SLC66A2: variants seen among roughly 807,000 people sequenced by gnomAD.
The protein encoded by SLC66A2 is solute carrier family 66 member 2, also known as PQ loop repeat containing 1.
Under a neutral mutation model 25.5 loss-of-function variants are expected in SLC66A2, and 23 were observed. The observed-to-expected ratio is 0.90, with a 90% confidence interval of 0.65 to 1.28. The LOEUF is 1.28. Among genes scored for constraint, SLC66A2 ranks in the 50% most tolerant of loss-of-function variants. The pLI is 0.00. For missense variants in SLC66A2, 396 were observed against 373.1 expected (o/e 1.06, Z -0.51); for synonymous variants, 193 against 166.5 (o/e 1.16, Z -1.23).
At position 79,927,772 on chromosome 18, in the gene SLC66A2, C is replaced by A. The variant is rs1986142423; in HGVS notation, c.391+6197G>T. 6.6e-6 allele frequency among the ~76,000 whole-genome samples: 1 copy of A among 152,204 alleles called. No individual in the cohort carries two copies. Among genetic ancestry groups the A allele is most frequent in the African/African-American group, 2.4e-5 (1 of 41,456 alleles). The stretch of plus-strand genomic sequence containing the variant: ...CAAAGAGGACCCCGGGAAACAAACA[C>A]CCTCCCACTCGGCAAGGACAAATCA... On this transcript the variant is annotated intron_variant, in intron 4 of 5. Coordinates refer to ENST00000397778, the MANE Select transcript of SLC66A2 (RefSeq NM_025078.5). The surrounding 1 kb of genome is among the most constrained non-coding windows in gnomAD (Gnocchi z 6.2).
rs1169758506 is a variant in SLC66A2, at chr18:79,939,698, C to T, written c.337+3631G>A. 2.6e-5 allele frequency among the ~76,000 whole-genome samples: 4 copies of T among 151,954 alleles called. No homozygotes were observed. The East Asian group carries it at 7.7e-4, about 29-fold the overall frequency. ...CAATGAGATGCCGTCTCATACCAGT[C>T]GGAATGGCTATTAATAAAAAAAAAT... On this transcript the variant is annotated intron_variant, in intron 3 of 5. Transcript: ENST00000397778.
Position 79,919,167 on chromosome 18 carries a change from C to T in SLC66A2, c.608+17G>A, listed in dbSNP as rs376461831. The T allele has an allele frequency of 5.8e-5, 93 of 1,608,278 alleles. No homozygotes were observed. Among genetic ancestry groups the T allele is most frequent in the African/African-American group, 1.7e-4 (13 of 74,836 alleles). ...CTCTGGAGCAGTGGTGCTTCCGTGG[C>T]GGCATCCCCGGCCTACCTCATGCCC... On this transcript the variant is annotated intron_variant, in intron 5 of 5. Coordinates refer to ENST00000397778, the MANE Select transcript of SLC66A2 (RefSeq NM_025078.5).
chr18:79,933,736 C>T (rs1174897737), intron 4 of SLC66A2, among the ~76,000 whole-genome samples: 2 of 152,176 alleles, frequency 1.3e-5, no homozygotes, highest in African/African-American at 4.8e-5. Flanking sequence ...CTCCTGCTTC[C>T]CCTTCCCGCC....
Position 79,950,797 on chromosome 18 carries a change from G to T in SLC66A2, c.130C>A (p.Gln44Lys). ...VPQYRDIRRT[Q>K]NADGFSTYVC... ...TAGGTGGAGAAGCCGTCGGCGTTCT[G>T]CGTCCTGCGAATGTCCCGATACTGC... is the stretch of plus-strand genomic sequence containing the variant. Residue 44 changes from glutamine (Q) to lysine (K), a missense_variant, in exon 2 of 6, where the codon CAG becomes AAG. By Grantham distance (53) the Gln-to-Lys change is moderately conservative. Transcript: ENST00000397778. 1 of 1,613,168 alleles carries T rather than the reference G, an allele frequency of 6.2e-7. No homozygotes were observed.
In SLC66A2 at chr18:79,943,362, T is replaced by G. The variant is rs368520063; in HGVS notation, c.304A>C (p.Asn102His). 3.8e-5 allele frequency: 61 copies of G among 1,614,062 alleles called. No individual in the cohort carries two copies. Among genetic ancestry groups the G allele is most frequent in the Non-Finnish European group, 5.0e-5 (59 of 1,180,050 alleles). Residue 102 changes from asparagine to histidine, a missense_variant, in exon 3 of 6, where the codon AAC (asparagine) becomes CAC (histidine). Physicochemically the swap from Asn to His is moderately conservative, Grantham distance 68. Coordinates refer to ENST00000397778, the MANE Select transcript of SLC66A2 (RefSeq NM_025078.5). ...LKLCTEVRVANELNARRRSFT... is the reference protein window; with the variant it reads ...LKLCTEVRVAHELNARRRSFT... ...GAGCGGCGCCTGGCGTTGAGCTCGT[T>G]GGCCACACGGACCTCGGTGCACAGC...
chr18:79,922,395 C>G (rs1363498046), intron 4 of SLC66A2, among the ~76,000 whole-genome samples: 1 of 152,092 alleles, frequency 6.6e-6, no homozygotes, highest in Non-Finnish European at 1.5e-5. Context: ...GGGGCGCAGC[C>G]CCCCTCGGGT....
At chr18:79,905,085 G>A (rs538404078) in intron 5 of SLC66A2, among the ~76,000 whole-genome samples, 7 of 152,300 alleles carry the variant, frequency 4.6e-5, no homozygotes, top group Non-Finnish European at 8.8e-5. Context: ...CTAGGAACCC[G>A]CAGGAGACAG....
chr18:79,943,712 T>C, intron 2 of SLC66A2: 1 of 370,464 alleles, frequency 2.7e-6, no homozygotes, highest in Admixed American at 4.6e-5. Context: ...GTCCCAAACC[T>C]GCAGCAGGAA....
At chr18:79,919,702 CA>C (rs766673755) in intron 4 of SLC66A2, among the ~76,000 whole-genome samples, 1 of 3,712 alleles carries the variant, frequency 2.7e-4, no homozygotes, top group African/African-American at 2.8e-4. Context: ...TGGGGAGAGA[CA>C]GGAACCGAGG....
chr18:79,933,871 C>A (rs964544484), intron 4 of SLC66A2, 98 bp downstream of exon 4: 1 of 1,038,618 alleles, frequency 9.6e-7, no homozygotes, highest in African/African-American at 1.6e-5. Flanking sequence ...AGATGACGCA[C>A]GCACATGCAC....
intron 4 of SLC66A2, among the ~76,000 whole-genome samples, chr18:79,928,429 G>A (rs1170561095): frequency 1.3e-5 from 2 of 152,180 alleles, no homozygotes; most frequent in Admixed American, 1.3e-4. Flanking sequence ...TTTCAGCCAG[G>A]TCAGAAACAA....
intron 5 of SLC66A2, among the ~76,000 whole-genome samples, chr18:79,910,515 A>T (rs1982952475): frequency 6.6e-6 from 1 of 152,244 alleles, no homozygotes; most frequent in South Asian, 2.1e-4. Flanking sequence ...CCATCTCACA[A>T]GACTTTTTCT....
At chr18:79,909,590 C>CAG (rs112899053) in intron 5 of SLC66A2, among the ~76,000 whole-genome samples, 594 of 60,328 alleles carry the variant, frequency 9.8e-3, no homozygotes, top group East Asian at 0.018. Context: ...ACCATCTCAC[C>CAG]AGTCTCCAAC....
chr18:79,922,959 C>T (rs1985443964), intron 4 of SLC66A2, among the ~76,000 whole-genome samples: 1 of 151,700 alleles, frequency 6.6e-6, no homozygotes, highest in African/African-American at 2.4e-5. Context: ...CCAGGCTGTG[C>T]ACCTTCTCCC....
intron 4 of SLC66A2, among the ~76,000 whole-genome samples, chr18:79,924,381 G>A (rs886995634): frequency 3.9e-5 from 6 of 152,174 alleles, no homozygotes; most frequent in African/African-American, 1.2e-4. Flanking sequence ...CAGCACAGGC[G>A]AGCGCACAGA....
chr18:79,931,265 C>G (rs1213756011), intron 4 of SLC66A2, among the ~76,000 whole-genome samples: 1 of 151,958 alleles, frequency 6.6e-6, no homozygotes, highest in African/African-American at 2.4e-5. Flanking sequence ...AATCAAAGGG[C>G]AGAATTGCCA....
At chr18:79,919,436 T>G in intron 4 of SLC66A2, 36 bp from the exon 5 acceptor site, 1 of 1,548,704 alleles carries the variant, frequency 6.5e-7, no homozygotes, top group Non-Finnish European at 8.9e-7. Flanking sequence ...CAGCACAGCT[T>G]AGGGTCCAGG....
rs190246907 is a variant in SLC66A2, at chr18:79,938,909, C to T, written c.337+4420G>A. Reference sequence around the variant, plus strand: ...GCCAGGATGGTCTCGAACTCCCGACCTCGTGATCCGCCCACCTCGGCCTCC... The same window carrying T: ...GCCAGGATGGTCTCGAACTCCCGACTTCGTGATCCGCCCACCTCGGCCTCC... On this transcript the variant is annotated intron_variant, in intron 3 of 5. Transcript: ENST00000397778. Among the ~76,000 whole-genome samples the T allele has an allele frequency of 4.3e-4, 65 of 152,338 alleles. 1 individual carries two copies. In the East Asian group the frequency reaches 8.3e-3, roughly 19 times the overall value.
At position 79,950,795 on chromosome 18, in the gene SLC66A2, C is replaced by A. The variant is rs1322204463; in HGVS notation, c.132G>T (p.Gln44His). The change falls in exon 2 of 6, where the codon CAG becomes CAT. Residue 44 changes from glutamine (Q) to histidine (H), a missense_variant. Transcript: ENST00000397778. ...VPQYRDIRRT[Q>H]NADGFSTYVC... ...CGTAGGTGGAGAAGCCGTCGGCGTT[C>A]TGCGTCCTGCGAATGTCCCGATACT... 1.2e-6 allele frequency: 2 copies of A among 1,613,224 alleles called. No individual in the cohort carries two copies. The highest frequency in any genetic ancestry group is 4.5e-5 in the East Asian group (2 of 44,888).
Sources: gnomAD v4.1 joint callset for allele counts (sites outside exome capture counted in the v4.1 genomes callset) on GRCh38, gnomAD v4.1.1 for gene constraint, Gnocchi (gnomAD v3.1) non-coding constraint, MANE v1.5 for transcripts, NCBI Gene and HGNC (gene_info 2026-07-23, HGNC 2026-07-21) for gene names.